ZNF8: variants seen among roughly 807,000 people sequenced by gnomAD.
The protein encoded by ZNF8 is zinc finger protein 272.
In ZNF8, 9 loss-of-function variants were observed where a neutral mutation model predicts 12.2. That is an observed-to-expected ratio of 0.73 (90% confidence interval 0.44 to 1.28). ZNF8 has a LOEUF of 1.28. Among genes scored for constraint, ZNF8 ranks in the 50% most tolerant of loss-of-function variants. ZNF8 has a pLI of 0.00. For missense variants in ZNF8, 664 were observed against 729.1 expected, an observed-to-expected ratio of 0.91 and a Z score of 1.03; for synonymous variants, 274 against 282.3, an observed-to-expected ratio of 0.97 and a Z score of 0.30.
chr19:58,282,336 C>A (rs1568522832), intron 1 of ZNF8, among the ~76,000 whole-genome samples: 1 of 152,010 alleles, frequency 6.6e-6, no homozygotes, highest in Non-Finnish European at 1.5e-5. Flanking sequence ...ACTGGGTTGT[C>A]TTTTTATTAC....
In ZNF8 at chr19:58,294,426, G is replaced by C. The variant is rs2051439778; in HGVS notation, c.618G>C (p.Gln206His). 6.2e-7 allele frequency: 1 copy of C among 1,614,108 alleles called. No homozygotes were observed. Among genetic ancestry groups the C allele is most frequent in the Non-Finnish European group, 8.5e-7 (1 of 1,180,038 alleles). The change falls in exon 4 of 4, where the codon CAG becomes CAC. Residue 206 changes from glutamine (Q) to histidine (H), a missense_variant. Transcript: ENST00000621650. This position sits in a 1 kb window ranked among gnomAD's most constrained non-coding sequence, Gnocchi z 5.5. ...AGTATTTGTATACTTACGACTCACA[G>C]ATTACAGACTCAGAACATAACTCCA... ...RGEYLYTYDS[Q>H]ITDSEHNSSL...
chr19:58,294,612 T>C lies in ZNF8; in HGVS notation c.804T>C (p.His268=). The change falls in exon 4 of 4, where the codon CAT becomes CAC. Residue 268 remains histidine (H), a synonymous_variant. Transcript: ENST00000621650. This position sits in a 1 kb window ranked among gnomAD's most constrained non-coding sequence, Gnocchi z 5.5. ...KCTDCGKSFN[H]NAHLTVHKRI... ...CTGACTGTGGGAAGTCGTTTAACCATAACGCACACCTCACCGTGCACAAGA... is the reference window on the plus strand; with the variant it reads ...CTGACTGTGGGAAGTCGTTTAACCACAACGCACACCTCACCGTGCACAAGA... 1 of 1,614,042 alleles carries C rather than the reference T, an allele frequency of 6.2e-7. No homozygotes were observed. The highest frequency in any genetic ancestry group is 8.5e-7 in the Non-Finnish European group (1 of 1,180,026).
intron 1 of ZNF8, among the ~76,000 whole-genome samples, chr19:58,281,637 T>C (rs1224396371): frequency 6.6e-6 from 1 of 151,990 alleles, no homozygotes; most frequent in Non-Finnish European, 1.5e-5. Context: ...CAAATCAAAA[T>C]TGGTGGGCAT....
In ZNF8 at chr19:58,302,240, C is replaced by G. The variant is rs1411040170; in HGVS notation, c.*6704C>G. On this transcript the variant is annotated 3_prime_UTR_variant, in exon 4 of 4. Coordinates refer to ENST00000621650, the MANE Select transcript of ZNF8 (RefSeq NM_021089.3). ...GGGAAAAGACATGTTTTTTTCTGTT[C>G]ATAAAAGTAATGCGAGTTCTTTGTA... 1 of 151,884 alleles carries G rather than the reference C, an allele frequency of 6.6e-6. No individual in the cohort carries two copies. Among genetic ancestry groups the G allele is most frequent in the Non-Finnish European group, 1.5e-5 (1 of 67,966 alleles). The allele number at this position is 151,884 out of a possible 1,614,324, so 9.4% of individuals were successfully genotyped here.
chr19:58,300,177 A>G lies in ZNF8; in HGVS notation c.*4641A>G, dbSNP rs1244440259. On this transcript the variant is annotated 3_prime_UTR_variant, in exon 4 of 4. Transcript: ENST00000621650. ...CAAAAGTTAGTGGTAACTAGAACAAAAGTAACCAGCCCAAGCTAGGAAGTG... is the reference window on the plus strand; with the variant it reads ...CAAAAGTTAGTGGTAACTAGAACAAGAGTAACCAGCCCAAGCTAGGAAGTG... 1 of 152,256 alleles carries G rather than the reference A, an allele frequency of 6.6e-6. No individual in the cohort carries two copies. The highest frequency in any genetic ancestry group is 1.5e-5 in the Non-Finnish European group (1 of 68,042). 9.4% of individuals were successfully genotyped at this position (152,256 alleles called of 1,614,324 possible).
At chr19:58,290,894 T>C (rs2051415404) in intron 3 of ZNF8, among the ~76,000 whole-genome samples, 1 of 152,034 alleles carries the variant, frequency 6.6e-6, no homozygotes, top group Admixed American at 6.5e-5. Context: ...CTACAAAAAA[T>C]GCAAAAAAAT....
intron 1 of ZNF8, among the ~76,000 whole-genome samples, chr19:58,282,373 C>G (rs2051355803): frequency 6.6e-6 from 1 of 152,092 alleles, no homozygotes; most frequent in South Asian, 2.1e-4. Context: ...ATTACATATT[C>G]TAGATACAAG....
At chr19:58,290,384 G>A (rs949173495) in intron 3 of ZNF8, among the ~76,000 whole-genome samples, 32 of 151,926 alleles carry the variant, frequency 2.1e-4, no homozygotes, top group African/African-American at 6.8e-4. Context: ...AAAGTGCTGG[G>A]ATTACAGACG....
chr19:58,300,158 T>C lies in ZNF8; in HGVS notation c.*4622T>C, dbSNP rs1327830475. 1 of 152,250 alleles carries C rather than the reference T, an allele frequency of 6.6e-6. No individual in the cohort carries two copies. Among genetic ancestry groups the C allele is most frequent in the East Asian group, 1.9e-4 (1 of 5,198 alleles). 9.4% of individuals were successfully genotyped at this position (152,250 alleles called of 1,614,324 possible). A position where few individuals can be genotyped will look rare whatever the true frequency, so the allele number is the denominator to read the frequency against. On this transcript the variant is annotated 3_prime_UTR_variant, in exon 4 of 4. Coordinates refer to ENST00000621650, the MANE Select transcript of ZNF8 (RefSeq NM_021089.3). Reference sequence around the variant, plus strand: ...GGCAAAATTTGGCACAGGACAAAAGTTAGTGGTAACTAGAACAAAAGTAAC... The same window carrying C: ...GGCAAAATTTGGCACAGGACAAAAGCTAGTGGTAACTAGAACAAAAGTAAC...
At chr19:58,292,334 C>T (rs76274099) in intron 3 of ZNF8, among the ~76,000 whole-genome samples, 2,075 of 152,214 alleles carry the variant, frequency 0.014, 40 homozygotes, top group African/African-American at 0.046. Context: ...CCAGCTGATT[C>T]GGGCCCTGGT....
At chr19:58,289,901 G>A (rs1032836215) in intron 3 of ZNF8, among the ~76,000 whole-genome samples, 5 of 151,162 alleles carry the variant, frequency 3.3e-5, no homozygotes, top group South Asian at 4.2e-4. Flanking sequence ...AGGTTCAAGC[G>A]ATCCTCCTGC....
intron 1 of ZNF8, chr19:58,280,208 G>GTTAC (rs916382204): frequency 2.7e-5 from 7 of 262,308 alleles, no homozygotes; most frequent in Admixed American, 1.6e-4. Flanking sequence ...GGCCCATGAA[G>GTTAC]TTACAGTGAA....
rs923341941 is a variant in ZNF8, at chr19:58,279,589, C to T, written c.66+442C>T. The T allele has an allele frequency of 3.3e-6, 5 of 1,532,958 alleles. No individual in the cohort carries two copies. The South Asian group carries it at 4.8e-5, about 15-fold the overall frequency. The allele number at this position is 1,532,958 out of a possible 1,614,324, so 95.0% of individuals were successfully genotyped here. A position where few individuals can be genotyped will look rare whatever the true frequency, so the allele number is the denominator to read the frequency against. Reference sequence around the variant, plus strand: ...ACGCGTGGAGTCAGCGGACACCCACCGGGACCCCAGCACCGCGGAGCCCCT... The same window carrying T: ...ACGCGTGGAGTCAGCGGACACCCACTGGGACCCCAGCACCGCGGAGCCCCT... On this transcript the variant is annotated intron_variant, in intron 1 of 3. Transcript: ENST00000621650.
At position 58,297,222 on chromosome 19, in the gene ZNF8, G is replaced by C. The variant is rs891658286; in HGVS notation, c.*1686G>C. The stretch of plus-strand genomic sequence containing the variant: ...CACTCCAGCCTGGGTGACAGAGCAA[G>C]ACTCTGTCTCAGAAAAAAAAAAGAA... On this transcript the variant is annotated 3_prime_UTR_variant, in exon 4 of 4. Coordinates refer to ENST00000621650, the MANE Select transcript of ZNF8 (RefSeq NM_021089.3). The C allele has an allele frequency of 1.4e-5, 2 of 146,584 alleles. No homozygotes were observed. Among genetic ancestry groups the C allele is most frequent in the African/African-American group, 5.0e-5 (2 of 39,670 alleles). The allele number at this position is 146,584 out of a possible 1,614,324, so 9.1% of individuals were successfully genotyped here.
intron 3 of ZNF8, among the ~76,000 whole-genome samples, chr19:58,292,991 G>A (rs570701641): frequency 8.3e-4 from 125 of 150,994 alleles, no homozygotes; most frequent in African/African-American, 2.8e-3. Flanking sequence ...CTTGGTCGCC[G>A]AGGCGGGAGT....
In ZNF8 at chr19:58,302,663, A is replaced by T. The variant is rs961438173; in HGVS notation, c.*7127A>T. ...CAAAGGGGGCATTGGAGGGGTTCTTATACATTTACAGTGGGAATGTGAATT... is the reference window on the plus strand; with the variant it reads ...CAAAGGGGGCATTGGAGGGGTTCTTTTACATTTACAGTGGGAATGTGAATT... On this transcript the variant is annotated 3_prime_UTR_variant, in exon 4 of 4. Transcript: ENST00000621650. The T allele has an allele frequency of 6.6e-6, 1 of 152,222 alleles. No homozygotes were observed. Among genetic ancestry groups the T allele is most frequent in the African/African-American group, 2.4e-5 (1 of 41,462 alleles). The allele number at this position is 152,222 out of a possible 1,614,324, so 9.4% of individuals were successfully genotyped here.
At chr19:58,287,621 C>T (rs2051391666) in intron 3 of ZNF8, among the ~76,000 whole-genome samples, 2 of 145,122 alleles carry the variant, frequency 1.4e-5, no homozygotes, top group Admixed American at 1.4e-4. Flanking sequence ...TTACAGGTAT[C>T]AGCCACTGCA....
At chr19:58,284,618 G>A (rs2051371484) in intron 1 of ZNF8, among the ~76,000 whole-genome samples, 1 of 152,222 alleles carries the variant, frequency 6.6e-6, no homozygotes. Context: ...GGAGGCCGAG[G>A]CGGGTGGATC....
At position 58,294,668 on chromosome 19, in the gene ZNF8, G is replaced by T. The variant is rs2051441920; in HGVS notation, c.860G>T (p.Cys287Phe). ...CATACGGGAGAAAGACCTTATATGT[G>T]CAAGGAGTGTGGGAAAGCCTTCAGC... ...RIHTGERPYMCKECGKAFSQN... is the reference protein window; with the variant it reads ...RIHTGERPYMFKECGKAFSQN... The change falls in exon 4 of 4, where the codon TGC becomes TTC. Residue 287 changes from cysteine (C) to phenylalanine (F), a missense_variant. Coordinates refer to ENST00000621650, the MANE Select transcript of ZNF8 (RefSeq NM_021089.3). The surrounding 1 kb of genome is among the most constrained non-coding windows in gnomAD (Gnocchi z 5.5). The T allele has an allele frequency of 6.2e-7, 1 of 1,614,174 alleles. No individual in the cohort carries two copies. The highest frequency in any genetic ancestry group is 8.5e-7 in the Non-Finnish European group (1 of 1,180,032).
Sources: allele counts gnomAD v4.1 joint callset (sites outside exome capture counted in the v4.1 genomes callset), GRCh38; gene constraint gnomAD v4.1.1; non-coding constraint Gnocchi (gnomAD v3.1); transcripts MANE v1.5; gene names NCBI Gene and HGNC (gene_info 2026-07-23, HGNC 2026-07-21).